The following CRPPA variants were observed in gnomAD, a reference collection of about 807,000 sequenced individuals.
CRPPA encodes the protein CDP-L-ribitol pyrophosphorylase A, also known as D-ribitol-5-phosphate cytidylyltransferase.
In CRPPA, 43 loss-of-function variants were observed where a neutral mutation model predicts 52.0. The ratio of observed to expected loss-of-function variants is 0.83; its 90% CI spans 0.65 to 1.07. CRPPA has a LOEUF of 1.07. Among genes scored for constraint, CRPPA ranks in the 50% least tolerant of loss-of-function variants. The probability of loss-of-function intolerance (pLI) is 0.00; values close to 1 mark genes in which losing one functional copy is unlikely to be tolerated. For synonymous variants in CRPPA, 250 were observed against 203.5 expected, an observed-to-expected ratio of 1.23 and a Z score of -1.94; for missense variants, 629 against 551.7, an observed-to-expected ratio of 1.14 and a Z score of -1.40.
intron 9 of CRPPA, among the ~76,000 whole-genome samples, chr7:16,187,445 T>A (rs1781527990): frequency 6.6e-6 from 1 of 152,192 alleles, no homozygotes; most frequent in Non-Finnish European, 1.5e-5. Context: ...ACAAGTATCA[T>A]AACAGAGAAA....
At chr7:16,166,487 C>T (rs771746249) in intron 9 of CRPPA, among the ~76,000 whole-genome samples, 6 of 152,086 alleles carry the variant, frequency 3.9e-5, no homozygotes, top group Admixed American at 2.6e-4. Flanking sequence ...ACCTTGTTGG[C>T]CAGGCTAGTC....
intron 5 of CRPPA, among the ~76,000 whole-genome samples, chr7:16,282,833 TCTGCATCTGACAGGCCAATTTCTTA>T (rs1784345711): frequency 6.6e-6 from 1 of 152,018 alleles, no homozygotes; most frequent in Non-Finnish European, 1.5e-5. Flanking sequence ...TCCACAGTGG[TCTGCATCTGACAGGCCAATTTCTTA>T]CAGTGTCTAT....
Position 16,090,086 on chromosome 7 carries a change from A to G in CRPPA, c.*1609T>C, listed in dbSNP as rs1220582157. 6.6e-6 allele frequency: 1 copy of G among 152,208 alleles called. No homozygotes were observed. The allele number at this position is 152,208 out of a possible 1,614,324, so 9.4% of individuals were successfully genotyped here. ...AAAGGCACAGACATTCCTAACCACA[A>G]TCCACACATTGCTTACCTATTTCCA... On this transcript the variant is annotated 3_prime_UTR_variant, in exon 10 of 10. Transcript: ENST00000407010.
chr7:16,400,973 C>T (rs1430093527), intron 2 of CRPPA, among the ~76,000 whole-genome samples: 2 of 152,192 alleles, frequency 1.3e-5, no homozygotes, highest in Non-Finnish European at 2.9e-5. Flanking sequence ...CCCAGCACAG[C>T]CCTGTGTTCA....
At chr7:16,241,973 G>GTTTT (rs1249826023) in intron 8 of CRPPA, among the ~76,000 whole-genome samples, 15 of 106,578 alleles carry the variant, frequency 1.4e-4, no homozygotes, top group East Asian at 1.1e-3. Context: ...TTTTTTGTTG[G>GTTTT]GGGGAGATAG....
In CRPPA at chr7:16,286,038, A is replaced by AAAATAAATAT. The variant is rs1784426837; in HGVS notation, c.836-7813_836-7812insATATTTATTT. 2.9e-4 allele frequency among the ~76,000 whole-genome samples: 5 copies of AAAATAAATAT among 17,504 alleles called. 1 individual carries two copies. The highest frequency in any genetic ancestry group is 7.5e-4 in the African/African-American group (2 of 2,656). The allele number at this position is 17,504 out of a possible 152,430, so 11.5% of individuals were successfully genotyped here. On this transcript the variant is annotated intron_variant, in intron 5 of 9. Transcript: ENST00000407010. The stretch of plus-strand genomic sequence containing the variant: ...TCCATCTCAAAAAAAAAAAAAAAAA[A>AAAATAAATAT]ATATAAATATATATATATATATATA...
At chr7:16,238,280 G>A (rs552942116) in intron 8 of CRPPA, among the ~76,000 whole-genome samples, 37 of 151,966 alleles carry the variant, frequency 2.4e-4, no homozygotes, top group African/African-American at 5.5e-4. Context: ...AATATCTATC[G>A]CACAGACATT....
chr7:16,311,450 T>C (rs904598337), intron 3 of CRPPA, among the ~76,000 whole-genome samples: 1 of 152,138 alleles, frequency 6.6e-6, no homozygotes, highest in Non-Finnish European at 1.5e-5. Context: ...CTGTTTTACA[T>C]TGTATTCTCT....
chr7:16,241,839 G>A (rs1037750095), intron 8 of CRPPA, among the ~76,000 whole-genome samples: 2 of 151,538 alleles, frequency 1.3e-5, no homozygotes, highest in Non-Finnish European at 2.9e-5. Flanking sequence ...CTTTATCACT[G>A]GGTAAAAAAA....
chr7:16,104,916 G>A (rs1412923104), intron 9 of CRPPA, among the ~76,000 whole-genome samples: 67 of 141,782 alleles, frequency 4.7e-4, no homozygotes, highest in South Asian at 1.4e-3. Flanking sequence ...AAAAAAAAAA[G>A]AAAAAAAAAA....
intron 3 of CRPPA, among the ~76,000 whole-genome samples, chr7:16,319,736 T>C (rs910196251): frequency 1.3e-5 from 2 of 152,148 alleles, no homozygotes; most frequent in African/African-American, 4.8e-5. Flanking sequence ...AGTAGGCATA[T>C]GGTTGTTAGT....
chr7:16,212,748 G>T (rs1437543510), intron 9 of CRPPA, among the ~76,000 whole-genome samples: 1 of 152,120 alleles, frequency 6.6e-6, no homozygotes, highest in African/African-American at 2.4e-5. Context: ...TGGAAGTTCT[G>T]ACATCTGCAT....
At chr7:16,168,128 A>C (rs1781105016) in intron 9 of CRPPA, among the ~76,000 whole-genome samples, 1 of 152,228 alleles carries the variant, frequency 6.6e-6, no homozygotes, top group Non-Finnish European at 1.5e-5. Context: ...ATGTATAAAA[A>C]TGTTTTTAAG....
intron 2 of CRPPA, among the ~76,000 whole-genome samples, chr7:16,392,513 C>T (rs992778870): frequency 6.6e-5 from 10 of 152,128 alleles, no homozygotes; most frequent in Admixed American, 1.3e-4. Context: ...ATGAGGAATA[C>T]GCAAAATGCA....
intron 9 of CRPPA, among the ~76,000 whole-genome samples, chr7:16,122,241 T>G (rs1000129124): frequency 1.3e-5 from 2 of 152,088 alleles, no homozygotes; most frequent in African/African-American, 4.8e-5. Context: ...TTTAATTGTT[T>G]ATTCATTCTG....
chr7:16,266,842 C>G (rs1467138316), intron 6 of CRPPA, among the ~76,000 whole-genome samples: 1 of 152,132 alleles, frequency 6.6e-6, no homozygotes, highest in Non-Finnish European at 1.5e-5. Context: ...CAAAATACCA[C>G]CCTGCTTTTC....
At chr7:16,100,556 G>A (rs1782023732) in intron 9 of CRPPA, among the ~76,000 whole-genome samples, 1 of 152,196 alleles carries the variant, frequency 6.6e-6, no homozygotes, top group Admixed American at 6.5e-5. Context: ...TTTAGGCTGA[G>A]ACAATGGAGT....
At chr7:16,162,978 T>A (rs1780942874) in intron 9 of CRPPA, among the ~76,000 whole-genome samples, 1 of 145,060 alleles carries the variant, frequency 6.9e-6, no homozygotes. Context: ...TTTCTCTTTT[T>A]TTTTTTTTTT....
intron 6 of CRPPA, among the ~76,000 whole-genome samples, chr7:16,276,106 G>A (rs1463229510): frequency 6.6e-6 from 1 of 151,896 alleles, no homozygotes; most frequent in East Asian, 1.9e-4. Flanking sequence ...GGTAATGACT[G>A]AACAGAAATA....
Sources: gnomAD v4.1 joint callset for allele counts (sites outside exome capture counted in the v4.1 genomes callset) on GRCh38, gnomAD v4.1.1 for gene constraint, MANE v1.5 for transcripts, NCBI Gene and HGNC (gene_info 2026-07-23, HGNC 2026-07-21) for gene names.